Variants in RYR3 observed in about 807,000 individuals in gnomAD.
The protein encoded by RYR3 is brain ryanodine receptor-calcium release channel.
RYR3 carries 207 observed loss-of-function variants against 584.3 expected under a neutral mutation model. The observed-to-expected ratio is 0.35, with a 90% CI of 0.32 to 0.40. The LOEUF (loss-of-function observed/expected upper bound fraction) is 0.40. RYR3 is among the 10% of genes least tolerant of loss of function. The pLI, the probability that RYR3 is intolerant of heterozygous loss-of-function variation, is 1.00. For synonymous variants in RYR3, 2,416 were observed against 2,248.5 expected (o/e 1.07, Z -2.11); for missense variants, 5,616 against 6,089.2 (o/e 0.92, Z 2.59).
intron 1 of RYR3, among the ~76,000 whole-genome samples, chr15:33,414,395 G>C (rs938071555): frequency 1.3e-5 from 2 of 152,104 alleles, no homozygotes; most frequent in African/African-American, 4.8e-5. Flanking sequence ...AAAAAAGACT[G>C]TGCTGACCCA....
chr15:33,661,091 T>G (rs79081698), intron 34 of RYR3, among the ~76,000 whole-genome samples: 2,040 of 152,268 alleles, frequency 0.013, 36 homozygotes, highest in African/African-American at 0.046. Context: ...AGGTCCCATT[T>G]AGGTGTCCCA....
intron 56 of RYR3, 44 bp downstream of exon 56, chr15:33,750,098 C>T: frequency 2.5e-6 from 4 of 1,607,136 alleles, no homozygotes; most frequent in Non-Finnish European, 3.4e-6. Flanking sequence ...TGAACCGGGG[C>T]AGCTATGGTC....
chr15:33,800,157 T>G (rs1015572690), intron 67 of RYR3, among the ~76,000 whole-genome samples: 1 of 152,222 alleles, frequency 6.6e-6, no homozygotes, highest in East Asian at 1.9e-4. Context: ...TTGTAGGGAA[T>G]CTTCAAACCA....
intron 97 of RYR3, 134 bp from the exon 98 acceptor site, chr15:33,854,632 T>C: frequency 8.2e-7 from 1 of 1,220,418 alleles, no homozygotes; most frequent in Non-Finnish European, 1.2e-6. Context: ...TAGCAGATCT[T>C]GGGCCAGCTC....
chr15:33,464,670 G>T (rs867263498), intron 1 of RYR3, among the ~76,000 whole-genome samples: 1 of 150,840 alleles, frequency 6.6e-6, no homozygotes, highest in South Asian at 2.1e-4. Context: ...TTTGATATAC[G>T]TTGTGCAGTG....
intron 1 of RYR3, among the ~76,000 whole-genome samples, chr15:33,357,877 C>G (rs1240641857): frequency 6.6e-6 from 1 of 152,182 alleles, no homozygotes; most frequent in African/African-American, 2.4e-5. Context: ...AAGTATTTTA[C>G]ATGAATGGCA....
At chr15:33,588,788 T>C (rs2058982605) in intron 16 of RYR3, among the ~76,000 whole-genome samples, 2 of 149,772 alleles carry the variant, frequency 1.3e-5, no homozygotes, top group Non-Finnish European at 3.0e-5. Context: ...GATTTCATTC[T>C]TTTTTTATGA....
chr15:33,427,584 CT>C (rs974853917), intron 1 of RYR3, among the ~76,000 whole-genome samples: 8 of 152,162 alleles, frequency 5.3e-5, no homozygotes, highest in Non-Finnish European at 8.8e-5. Context: ...GGATGACAAT[CT>C]TTTTTCAAAC....
chr15:33,637,296 T>C (rs781019556), intron 27 of RYR3, among the ~76,000 whole-genome samples: 174 of 152,242 alleles, frequency 1.1e-3, no homozygotes, highest in Non-Finnish European at 2.3e-3. Context: ...AGCTTTACTT[T>C]CTTCATCTAT....
chr15:33,509,107 G>A (rs1292097840), intron 3 of RYR3, among the ~76,000 whole-genome samples: 2 of 152,192 alleles, frequency 1.3e-5, no homozygotes, highest in Non-Finnish European at 2.9e-5. Flanking sequence ...AAAAAATTTA[G>A]TGACAGGTGG....
At chr15:33,368,497 C>A (rs754423979) in intron 1 of RYR3, among the ~76,000 whole-genome samples, 4 of 151,930 alleles carry the variant, frequency 2.6e-5, no homozygotes, top group Admixed American at 1.3e-4. Flanking sequence ...CCTCATCTGA[C>A]CTTGGCTTTG....
At chr15:33,569,062 C>T (rs1435877541) in intron 12 of RYR3, among the ~76,000 whole-genome samples, 2 of 151,998 alleles carry the variant, frequency 1.3e-5, no homozygotes, top group African/African-American at 4.8e-5. Flanking sequence ...AGTGAAAGAT[C>T]TATATAGATA....
intron 11 of RYR3, among the ~76,000 whole-genome samples, chr15:33,564,396 A>G (rs2057583851): frequency 1.3e-5 from 2 of 152,212 alleles, no homozygotes; most frequent in African/African-American, 2.4e-5. Context: ...GGTTCGGGGT[A>G]TGACAAGTTG....
rs543658078 is a variant in RYR3, at chr15:33,416,542, T to A, written c.52-56877T>A. Among the ~76,000 whole-genome samples, 10 of 152,328 alleles carry A rather than the reference T, an allele frequency of 6.6e-5. No individual in the cohort carries two copies. The East Asian group carries it at 1.9e-3, about 29-fold the overall frequency. The stretch of plus-strand genomic sequence containing the variant: ...CGCTTACTTTTTAATGGGTTATATG[T>A]TTTTTTCTTCTTGATTTTAAGCTCC... On this transcript the variant is annotated intron_variant, in intron 1 of 103. Transcript: ENST00000634891.
At chr15:33,635,517 C>A in intron 25 of RYR3, 97 bp from the exon 26 acceptor site, 1 of 866,950 alleles carries the variant, frequency 1.2e-6, no homozygotes. Context: ...CTTAGATGTT[C>A]TCATCAAATT....
chr15:33,497,315 A>G (rs1234189258), intron 2 of RYR3, among the ~76,000 whole-genome samples: 5 of 152,078 alleles, frequency 3.3e-5, no homozygotes, highest in Non-Finnish European at 7.4e-5. Context: ...GACACTTGCC[A>G]TGACTTGTTC....
At chr15:33,807,250 A>G (rs969294693) in intron 69 of RYR3, among the ~76,000 whole-genome samples, 2 of 152,206 alleles carry the variant, frequency 1.3e-5, no homozygotes, top group African/African-American at 4.8e-5. Flanking sequence ...GCCACCCACA[A>G]GAACTCTCTA....
At position 33,768,726 on chromosome 15, in the gene RYR3, A is replaced by G. The variant is rs2073315068; in HGVS notation, c.8755+19A>G. Reference sequence around the variant, plus strand: ...CTCTTTGGTAAGTGAAGTGTTGCTCAAGGTACCGCTCCTCCCTGTAATTAT... The same window carrying G: ...CTCTTTGGTAAGTGAAGTGTTGCTCGAGGTACCGCTCCTCCCTGTAATTAT... On this transcript the variant is annotated intron_variant, in intron 61 of 103. Transcript: ENST00000634891. 1.2e-6 allele frequency: 2 copies of G among 1,612,022 alleles called. No individual in the cohort carries two copies. The highest frequency in any genetic ancestry group is 2.2e-5 in the East Asian group (1 of 44,894).
chr15:33,595,171 G>A (rs1456381674), intron 16 of RYR3, among the ~76,000 whole-genome samples: 1 of 152,148 alleles, frequency 6.6e-6, no homozygotes, highest in Non-Finnish European at 1.5e-5. Flanking sequence ...ACAGGTCATT[G>A]TAAAGTCATT....
Sources: allele counts gnomAD v4.1 joint callset (sites outside exome capture counted in the v4.1 genomes callset), GRCh38; gene constraint gnomAD v4.1.1; transcripts MANE v1.5; gene names NCBI Gene and HGNC (gene_info 2026-07-23, HGNC 2026-07-21).